CYP4X1: variants seen among roughly 807,000 people sequenced by gnomAD.
The protein encoded by CYP4X1 is cytochrome P450 family 4 subfamily X member 1, also known as cytochrome P450 4X1.
In CYP4X1, 44 loss-of-function variants were observed where a neutral mutation model predicts 57.9. The ratio of observed to expected loss-of-function variants is 0.76; its 90% confidence interval spans 0.60 to 0.98. CYP4X1 has a LOEUF of 0.98. Ranked by LOEUF, CYP4X1 falls within the 50% of genes least tolerant of loss-of-function variation. The pLI, the probability that CYP4X1 is intolerant of heterozygous loss-of-function variation, is 0.00. For synonymous variants in CYP4X1, 227 were observed against 228.6 expected (o/e 0.99, Z 0.06); for missense variants, 532 against 623.9 (o/e 0.85, Z 1.57).
chr1:47,015,407 T>C, the CYP4X1 span, among the ~76,000 whole-genome samples: 1 of 152,168 alleles, frequency 6.6e-6, no homozygotes, highest in African/African-American at 2.4e-5. Flanking sequence ...TAGCAGCTGC[T>C]CCGAATCCCT....
intron 1 of CYP4X1, among the ~76,000 whole-genome samples, chr1:47,025,265 A>G (rs748073518): frequency 6.6e-6 from 1 of 152,142 alleles, no homozygotes; most frequent in Non-Finnish European, 1.5e-5. Flanking sequence ...GTCTCTGCAC[A>G]CAACTGCTCC....
intron 10 of CYP4X1, 95 bp from the exon 11 acceptor site, chr1:47,049,327 C>A: frequency 3.4e-6 from 3 of 873,388 alleles, no homozygotes; most frequent in South Asian, 1.7e-5. Flanking sequence ...ACATGTAGAT[C>A]ACATTATATT....
In CYP4X1 at chr1:47,039,545, C is replaced by T. The variant is rs758988320; in HGVS notation, c.1073+13C>T. Reference sequence around the variant, plus strand: ...CTTCTATCACTTGGTAAGATCTGCACCCCTAAATTTTCCTGCTAGTTTTCC... The same window carrying T: ...CTTCTATCACTTGGTAAGATCTGCATCCCTAAATTTTCCTGCTAGTTTTCC... On this transcript the variant is annotated intron_variant, in intron 8 of 11. Transcript: ENST00000371901. The T allele has an allele frequency of 7.0e-6, 11 of 1,564,046 alleles. No homozygotes were observed. Among genetic ancestry groups the T allele is most frequent in the Non-Finnish European group, 8.6e-6 (10 of 1,159,408 alleles).
At chr1:47,003,315 TC>T in the CYP4X1 span, among the ~76,000 whole-genome samples, 5 of 152,146 alleles carry the variant, frequency 3.3e-5, no homozygotes, top group East Asian at 9.6e-4. Context: ...TGATCCAGGC[TC>T]CTGCTGTCTC....
At chr1:46,978,558 T>C in the CYP4X1 span, among the ~76,000 whole-genome samples, 1 of 151,978 alleles carries the variant, frequency 6.6e-6, no homozygotes, top group African/African-American at 2.4e-5. Flanking sequence ...CAATATTAGA[T>C]GTATCAATGA....
At chr1:47,010,431 A>G in the CYP4X1 span, among the ~76,000 whole-genome samples, 5 of 152,262 alleles carry the variant, frequency 3.3e-5, no homozygotes, top group African/African-American at 4.8e-5. Context: ...AGAGCTATCT[A>G]TGACAAACCC....
At chr1:47,043,218 G>A (rs1644265281) in intron 8 of CYP4X1, among the ~76,000 whole-genome samples, 1 of 152,036 alleles carries the variant, frequency 6.6e-6, no homozygotes, top group African/African-American at 2.4e-5. Flanking sequence ...GTGATGTTGA[G>A]CATTTTTTCA....
chr1:47,008,772 T>C, the CYP4X1 span, among the ~76,000 whole-genome samples: 1 of 152,186 alleles, frequency 6.6e-6, no homozygotes, highest in South Asian at 2.1e-4. Context: ...GTTGCAATCC[T>C]AGTCTCTGAT....
the CYP4X1 span, among the ~76,000 whole-genome samples, chr1:46,973,753 G>A: frequency 6.6e-6 from 1 of 152,050 alleles, no homozygotes; most frequent in African/African-American, 2.4e-5. Flanking sequence ...TGTTATTTCT[G>A]TGGGGTTGGT....
intron 1 of CYP4X1, among the ~76,000 whole-genome samples, chr1:47,026,028 C>A (rs1439810601): frequency 6.6e-6 from 1 of 152,102 alleles, no homozygotes; most frequent in Non-Finnish European, 1.5e-5. Flanking sequence ...ATCCATTGAT[C>A]TATATGTCTA....
In CYP4X1 at chr1:47,047,326, A is replaced by T. The variant is rs564683884; in HGVS notation, c.1207+726A>T. Among the ~76,000 whole-genome samples, 9 of 152,298 alleles carry T rather than the reference A, an allele frequency of 5.9e-5. No homozygotes were observed. The South Asian group carries it at 1.9e-3, about 32-fold the overall frequency. On this transcript the variant is annotated intron_variant, in intron 9 of 11. Transcript: ENST00000371901. ...TATTATCTGATTCAATGTTCTATTA[A>T]TTCATGTCTTAGGAAGCAAGCCAAC...
chr1:47,046,435 ATC>A, intron 8 of CYP4X1, 30 bp from the exon 9 acceptor site: 2 of 1,612,906 alleles, frequency 1.2e-6, no homozygotes, highest in Non-Finnish European at 1.7e-6. Flanking sequence ...TGGTTATGAT[ATC>A]TGAGTCCCTT....
chr1:47,034,622 G>A (rs1039027710), intron 4 of CYP4X1, among the ~76,000 whole-genome samples: 1 of 152,086 alleles, frequency 6.6e-6, no homozygotes, highest in East Asian at 1.9e-4. Flanking sequence ...AAGTCAGCCA[G>A]GACTGTGGTA....
chr1:47,052,306 A>T (rs1189988682), downstream of CYP4X1, among the ~76,000 whole-genome samples: 1 of 152,196 alleles, frequency 6.6e-6, no homozygotes, highest in Admixed American at 6.5e-5. Flanking sequence ...TGCCACAGAC[A>T]ATTTTGTTAA....
upstream of CYP4X1, among the ~76,000 whole-genome samples, chr1:47,020,290 G>A (rs1643982245): frequency 1.3e-5 from 2 of 152,112 alleles, no homozygotes; most frequent in South Asian, 2.1e-4. Flanking sequence ...ATGAAGGCAG[G>A]GCCATGTTGA....
chr1:46,963,136 C>T, the CYP4X1 span, among the ~76,000 whole-genome samples: 1 of 152,228 alleles, frequency 6.6e-6, no homozygotes, highest in East Asian at 1.9e-4. Flanking sequence ...TTATTTTGAG[C>T]CTATGTGTGT....
At chr1:46,988,395 T>G in the CYP4X1 span, among the ~76,000 whole-genome samples, 1 of 152,082 alleles carries the variant, frequency 6.6e-6, no homozygotes, top group African/African-American at 2.4e-5. Flanking sequence ...CAGTAATTAA[T>G]AGCCTACCAA....
the CYP4X1 span, among the ~76,000 whole-genome samples, chr1:47,010,230 A>T: frequency 2.0e-5 from 3 of 152,244 alleles, no homozygotes; most frequent in Admixed American, 6.5e-5. Flanking sequence ...AGTGGGCTTC[A>T]ACCCTGGTAT....
chr1:46,985,302 T>A, the CYP4X1 span, among the ~76,000 whole-genome samples: 1 of 152,138 alleles, frequency 6.6e-6, no homozygotes, highest in Non-Finnish European at 1.5e-5. Context: ...CACTCCAGCC[T>A]GGGTGACAGA....
Sources: allele counts gnomAD v4.1 joint callset (sites outside exome capture counted in the v4.1 genomes callset), GRCh38; gene constraint gnomAD v4.1.1; transcripts MANE v1.5; gene names NCBI Gene and HGNC (gene_info 2026-07-23, HGNC 2026-07-21).